Variants in SMCHD1 observed in about 807,000 individuals in gnomAD.
The protein encoded by SMCHD1 is structural maintenance of chromosomes flexible hinge domain-containing protein 1.
A neutral mutation model predicts 254.7 loss-of-function variants in SMCHD1; 78 were observed. That is an observed-to-expected ratio of 0.31 (90% confidence interval 0.26 to 0.37). SMCHD1 has a LOEUF of 0.37. Ranked by LOEUF, SMCHD1 falls within the 10% of genes least tolerant of loss-of-function variation. The pLI is 1.00. For missense variants in SMCHD1, 1,840 were observed against 2,408.1 expected, an observed-to-expected ratio of 0.76 and a Z score of 4.94; for synonymous variants, 766 against 794.9, an observed-to-expected ratio of 0.96 and a Z score of 0.61.
At chr18:2,799,762 C>T (rs572811901) in intron 47 of SMCHD1, among the ~76,000 whole-genome samples, 149 of 152,080 alleles carry the variant, frequency 9.8e-4, no homozygotes, top group Middle Eastern at 6.8e-3. Context: ...TTTTAATTGC[C>T]ACCTTTTTTT....
intron 45 of SMCHD1, among the ~76,000 whole-genome samples, chr18:2,787,496 G>A (rs1470861060): frequency 2.0e-5 from 3 of 151,470 alleles, no homozygotes; most frequent in Non-Finnish European, 4.4e-5. Context: ...TATGACATCA[G>A]TGGACACATA....
intron 34 of SMCHD1, among the ~76,000 whole-genome samples, chr18:2,753,775 C>T (rs1442985804): frequency 2.0e-5 from 3 of 152,172 alleles, no homozygotes; most frequent in African/African-American, 7.2e-5. Flanking sequence ...TGGCTAGTCT[C>T]GAACTCCTGA....
At chr18:2,766,501 T>A (rs1318683318) in intron 37 of SMCHD1, among the ~76,000 whole-genome samples, 1 of 152,258 alleles carries the variant, frequency 6.6e-6, no homozygotes, top group East Asian at 1.9e-4. Flanking sequence ...TCTTGGCTCC[T>A]GCCTCACATA....
intron 15 of SMCHD1, 85 bp downstream of exon 15, chr18:2,706,555 C>T (rs541060879): frequency 6.5e-6 from 6 of 924,060 alleles, no homozygotes; most frequent in Non-Finnish European, 1.0e-5. Flanking sequence ...GTCATTTACT[C>T]TGCTGTTAGG....
At chr18:2,682,074 G>T (rs895192367) in intron 5 of SMCHD1, among the ~76,000 whole-genome samples, 6 of 152,044 alleles carry the variant, frequency 3.9e-5, no homozygotes, top group African/African-American at 1.2e-4. Flanking sequence ...ACTTTAATTT[G>T]GTCATTTCCA....
intron 5 of SMCHD1, among the ~76,000 whole-genome samples, chr18:2,682,977 G>C (rs2073965687): frequency 6.6e-6 from 1 of 152,150 alleles, no homozygotes; most frequent in African/African-American, 2.4e-5. Context: ...TAGAGTTGTT[G>C]CCTAGATTTG....
rs2076395494 is a variant in SMCHD1, at chr18:2,803,257, A to ATAAC, written c.*708_*711dup. ...AAAATATTCAGCAGCACCAAGTTTT[A>ATAAC]TAACTATTGTTTGTTTGACTTTATT... On this transcript the variant is annotated 3_prime_UTR_variant, in exon 48 of 48. Coordinates refer to ENST00000320876, the MANE Select transcript of SMCHD1 (RefSeq NM_015295.3). The ATAAC allele has an allele frequency of 6.7e-6, 1 of 148,752 alleles. No homozygotes were observed. The highest frequency in any genetic ancestry group is 2.4e-5 in the African/African-American group (1 of 40,878). 9.2% of individuals were successfully genotyped at this position (148,752 alleles called of 1,614,324 possible). A position where few individuals can be genotyped will look rare whatever the true frequency, so the allele number is the denominator to read the frequency against.
At chr18:2,736,221 G>A (rs1445251979) in intron 25 of SMCHD1, among the ~76,000 whole-genome samples, 3 of 152,142 alleles carry the variant, frequency 2.0e-5, no homozygotes, top group Admixed American at 1.3e-4. Flanking sequence ...AAGAATGAAA[G>A]TGGATCCCTA....
At chr18:2,741,171 C>T (rs2075343623) in intron 28 of SMCHD1, among the ~76,000 whole-genome samples, 1 of 152,100 alleles carries the variant, frequency 6.6e-6, no homozygotes, top group Non-Finnish European at 1.5e-5. Context: ...GATGTTTAAA[C>T]CCTGTATTAA....
chr18:2,739,153 G>C (rs1396676705), intron 26 of SMCHD1, among the ~76,000 whole-genome samples: 1 of 152,140 alleles, frequency 6.6e-6, no homozygotes, highest in East Asian at 1.9e-4. Flanking sequence ...TAACTCATCT[G>C]TTTTCTTGTC....
At chr18:2,800,616 G>A (rs1334627194) in intron 47 of SMCHD1, 1 of 152,088 alleles carries the variant, frequency 6.6e-6, no homozygotes, top group East Asian at 1.9e-4. Context: ...GAGATTACAG[G>A]CCTGAGTCAC....
At position 2,655,957 on chromosome 18, in the gene SMCHD1, G is replaced by GCCGGGCCGAGGCCTCGAGCCGCC. The variant is rs1312960089; in HGVS notation, c.-113_-91dup. The GCCGGGCCGAGGCCTCGAGCCGCC allele has an allele frequency of 1.4e-6, 1 of 740,118 alleles. No individual in the cohort carries two copies. The highest frequency in any genetic ancestry group is 1.8e-5 in the African/African-American group (1 of 54,538). The allele number at this position is 740,118 out of a possible 1,614,324, so 45.8% of individuals were successfully genotyped here. A position where few individuals can be genotyped will look rare whatever the true frequency, so the allele number is the denominator to read the frequency against. On this transcript the variant is annotated 5_prime_UTR_variant, in exon 1 of 48. Transcript: ENST00000320876. ...CGCCGCTGACGAGGAGCTGCAGCGC[G>GCCGGGCCGAGGCCTCGAGCCGCC]CCGGGCCGAGGCCTCGAGCCGCCCC...
intron 1 of SMCHD1, among the ~76,000 whole-genome samples, chr18:2,660,210 G>C (rs1442904249): frequency 1.3e-5 from 2 of 152,058 alleles, no homozygotes; most frequent in African/African-American, 4.8e-5. Context: ...TGTAATCCCA[G>C]CTACTCGAGA....
intron 27 of SMCHD1, among the ~76,000 whole-genome samples, chr18:2,739,878 G>A (rs948504862): frequency 6.6e-6 from 1 of 152,038 alleles, no homozygotes; most frequent in East Asian, 1.9e-4. Context: ...TGAGCCAAGG[G>A]GTTTGAGGCC....
chr18:2,738,982 G>A lies in SMCHD1; in HGVS notation c.3425+437G>A, dbSNP rs539719644. 1.6e-4 allele frequency among the ~76,000 whole-genome samples: 24 copies of A among 152,252 alleles called. No individual in the cohort carries two copies. The East Asian group carries it at 4.1e-3, about 26-fold the overall frequency. The stretch of plus-strand genomic sequence containing the variant: ...ATGTGTAAAAAAAACCTTTACACTG[G>A]CCTATCAATTTCTTGGCCACCTCTT... On this transcript the variant is annotated intron_variant, in intron 26 of 47. Transcript: ENST00000320876.
chr18:2,745,857 G>A (rs1191701360), intron 29 of SMCHD1, among the ~76,000 whole-genome samples: 2 of 152,032 alleles, frequency 1.3e-5, no homozygotes, highest in African/African-American at 4.8e-5. Context: ...ATATAGATGA[G>A]GCTAGAAAAA....
In SMCHD1 at chr18:2,655,909, C is replaced by T. The variant is rs1273204005; in HGVS notation, c.-167C>T. 4.7e-6 allele frequency: 2 copies of T among 422,334 alleles called. No individual in the cohort carries two copies. The highest frequency in any genetic ancestry group is 1.2e-4 in the South Asian group (1 of 8,018). The allele number at this position is 422,334 out of a possible 1,614,324, so 26.2% of individuals were successfully genotyped here. On this transcript the variant is annotated 5_prime_UTR_variant, in exon 1 of 48. Transcript: ENST00000320876. ...TTTGAATCGGTTCCCGGGTGATCCTCGCGCCTGCCGCTGCTCGGCCGCCGC... is the reference window on the plus strand; with the variant it reads ...TTTGAATCGGTTCCCGGGTGATCCTTGCGCCTGCCGCTGCTCGGCCGCCGC...
At chr18:2,693,626 G>T (rs28388274) in intron 7 of SMCHD1, among the ~76,000 whole-genome samples, 8,878 of 131,480 alleles carry the variant, frequency 0.068, 834 homozygotes, top group African/African-American at 0.3. Flanking sequence ...CATGTTTTTT[G>T]TTTGTTTGTT....
chr18:2,684,234 A>G (rs2073990836), intron 5 of SMCHD1, among the ~76,000 whole-genome samples: 1 of 152,198 alleles, frequency 6.6e-6, no homozygotes, highest in Non-Finnish European at 1.5e-5. Flanking sequence ...ATCTTCAGAA[A>G]GGAAAACAAT....
Sources: allele counts gnomAD v4.1 joint callset (sites outside exome capture counted in the v4.1 genomes callset), GRCh38; gene constraint gnomAD v4.1.1; transcripts MANE v1.5; gene names NCBI Gene and HGNC (gene_info 2026-07-23, HGNC 2026-07-21).